ABCD4: variants seen among roughly 807,000 people sequenced by gnomAD.
ABCD4 encodes lysosomal cobalamin transporter ABCD4.
Under a neutral mutation model 86.3 loss-of-function variants are expected in ABCD4, and 53 were observed. The observed-to-expected ratio is 0.61, with a 90% CI of 0.49 to 0.77. ABCD4 has a LOEUF of 0.77. Ranked by LOEUF, ABCD4 falls within the 30% of genes least tolerant of loss-of-function variation. The pLI is 0.00. For missense variants in ABCD4, 757 were observed against 764.5 expected, an observed-to-expected ratio of 0.99 and a Z score of 0.12; for synonymous variants, 328 against 313.6, an observed-to-expected ratio of 1.05 and a Z score of -0.49.
chr14:74,287,975 C>T, intron 16 of ABCD4, 89 bp from the exon 17 acceptor site: 2 of 1,313,426 alleles, frequency 1.5e-6, no homozygotes, highest in Admixed American at 2.0e-5. Flanking sequence ...AGAGGTTTCT[C>T]TGCACAGAGG....
At chr14:74,287,039 A>G (rs759570854) in intron 17 of ABCD4, among the ~76,000 whole-genome samples, 55 of 152,168 alleles carry the variant, frequency 3.6e-4, no homozygotes, top group Non-Finnish European at 6.5e-4. Flanking sequence ...CTCAGCTTCT[A>G]TAGATAAGCA....
At chr14:74,294,452 T>C (rs2082333159) in intron 7 of ABCD4, 1 of 152,202 alleles carries the variant, frequency 6.6e-6, no homozygotes, top group Non-Finnish European at 1.5e-5. Flanking sequence ...GTGGTGGAGG[T>C]TGCAAACTGC....
At position 74,286,352 on chromosome 14, in the gene ABCD4, CG is replaced by C. The variant is rs766334278; in HGVS notation, c.*108del. Reference sequence around the variant, plus strand: ...GCACAGGACCCATGTGGCTCCTGCACGGGATCTATGTGGCGAACCTGAGCTC... The same window carrying C: ...GCACAGGACCCATGTGGCTCCTGCACGGATCTATGTGGCGAACCTGAGCTC... On this transcript the variant is annotated 3_prime_UTR_variant, in exon 19 of 19. Transcript: ENST00000356924. The C allele has an allele frequency of 1.3e-4, 160 of 1,220,468 alleles. 2 individuals carry two copies. In the African/African-American group the frequency reaches 2.1e-3, roughly 16 times the overall value. The allele number at this position is 1,220,468 out of a possible 1,614,324, so 75.6% of individuals were successfully genotyped here. A position where few individuals can be genotyped will look rare whatever the true frequency, so the allele number is the denominator to read the frequency against.
chr14:74,290,616 C>T (rs1279079425), intron 11 of ABCD4, 117 bp from the exon 12 acceptor site: 1 of 738,034 alleles, frequency 1.4e-6, no homozygotes, highest in Non-Finnish European at 2.3e-6. Context: ...CTTGCATCCT[C>T]CCAAAATCAC....
chr14:74,298,755 C>T (rs2083532892), intron 3 of ABCD4, among the ~76,000 whole-genome samples: 1 of 152,144 alleles, frequency 6.6e-6, no homozygotes, highest in Admixed American at 6.6e-5. Flanking sequence ...GACCGAAGAC[C>T]CAACAAAAGT....
intron 13 of ABCD4, 146 bp from the exon 14 acceptor site, chr14:74,289,665 G>A (rs2080918389): frequency 2.0e-6 from 3 of 1,464,914 alleles, no homozygotes; most frequent in Non-Finnish European, 2.7e-6. Context: ...GAGAGGCTCT[G>A]GCCGGCAGAC....
rs2083822726 is a variant in ABCD4 at position 74,299,730 on chromosome 14, G to A, written c.158-55C>T. On this transcript the variant is annotated intron_variant, in intron 2 of 18. Coordinates refer to ENST00000356924, the MANE Select transcript of ABCD4 (RefSeq NM_005050.4). ...GTGATGAGGGGTTAAAAAGAAGGGA[G>A]GCTTCTTCCTGAGTCCCTGCCTCAT... 5 of 1,549,686 alleles carry A rather than the reference G, an allele frequency of 3.2e-6. No individual in the cohort carries two copies. The Admixed American group carries it at 9.4e-5, about 29-fold the overall frequency.
At position 74,299,812 on chromosome 14, in the gene ABCD4, AG is replaced by A. The variant is rs1270119943; in HGVS notation, c.158-138del. ...CGCGGTGGCTCACGCCTGTAATCCC[AG>A]CACTTTGGGAGGCTGAGGCGGGTGT... On this transcript the variant is annotated intron_variant, in intron 2 of 18. Coordinates refer to ENST00000356924, the MANE Select transcript of ABCD4 (RefSeq NM_005050.4). The A allele has an allele frequency of 4.9e-6, 4 of 821,662 alleles. No individual in the cohort carries two copies. In the African/African-American group the frequency reaches 5.2e-5, roughly 11 times the overall value. The allele number at this position is 821,662 out of a possible 1,614,324, so 50.9% of individuals were successfully genotyped here.
chr14:74,291,421 C>T (rs189788896), intron 11 of ABCD4, among the ~76,000 whole-genome samples: 10 of 152,294 alleles, frequency 6.6e-5, no homozygotes, highest in Admixed American at 1.3e-4. Context: ...GCCCAGGTTG[C>T]AGAGCGGTAT....
In ABCD4 at chr14:74,296,331, A is replaced by T. The variant is rs1405995124; in HGVS notation, c.542+2T>A. On this transcript the variant is annotated splice_donor_variant, in intron 5 of 18. Coordinates refer to ENST00000356924, the MANE Select transcript of ABCD4 (RefSeq NM_005050.4). LOFTEE classifies it high-confidence loss of function. ...CCAGGCTGGGGAGGAGGGAGGCTTC[A>T]CCTTTGGAAGCACTGGTAAGTGTAG... The T allele has an allele frequency of 6.2e-7, 1 of 1,613,612 alleles. No individual in the cohort carries two copies. Among genetic ancestry groups the T allele is most frequent in the Non-Finnish European group, 8.5e-7 (1 of 1,179,568 alleles).
At chr14:74,291,618 A>G (rs971613346) in intron 11 of ABCD4, among the ~76,000 whole-genome samples, 1 of 152,158 alleles carries the variant, frequency 6.6e-6, no homozygotes, top group Non-Finnish European at 1.5e-5. Flanking sequence ...CTCTGCACTC[A>G]TGGTTGCATG....
intron 16 of ABCD4, 157 bp from the exon 17 acceptor site, chr14:74,288,043 G>A: frequency 1.9e-6 from 2 of 1,036,420 alleles, no homozygotes; most frequent in Admixed American, 2.2e-5. Context: ...AGCCCTCACA[G>A]AGTGAGGCAA....
At chr14:74,288,113 G>A (rs1268779558) in intron 16 of ABCD4, 94 bp downstream of exon 16, 1 of 1,389,344 alleles carries the variant, frequency 7.2e-7, no homozygotes, top group African/African-American at 1.4e-5. Flanking sequence ...TCTGGACTTT[G>A]GGGTCAGGAG....
In ABCD4 at chr14:74,293,029, T is replaced by C. The variant is rs74063818; in HGVS notation, c.814+125A>G. The C allele has an allele frequency of 0.013, 18,290 of 1,440,628 alleles. 1,861 individuals are homozygous for C. In the African/African-American group the frequency reaches 0.23, roughly 18 times the overall value. The allele number at this position is 1,440,628 out of a possible 1,614,324, so 89.2% of individuals were successfully genotyped here. On this transcript the variant is annotated intron_variant, in intron 8 of 18. Coordinates refer to ENST00000356924, the MANE Select transcript of ABCD4 (RefSeq NM_005050.4). ...ACAGAAAGGCAACAGCCCCCCCTCCTCATCCCCGGTTAATTCCTTCATCAT... is the reference window on the plus strand; with the variant it reads ...ACAGAAAGGCAACAGCCCCCCCTCCCCATCCCCGGTTAATTCCTTCATCAT...
intron 1 of ABCD4, among the ~76,000 whole-genome samples, chr14:74,302,173 C>T (rs990074999): frequency 6.6e-6 from 1 of 152,090 alleles, no homozygotes; most frequent in African/African-American, 2.4e-5. Context: ...CCAGAATATT[C>T]GTTACAGTGT....
chr14:74,301,253 G>A (rs1486089429), intron 1 of ABCD4, among the ~76,000 whole-genome samples: 1 of 150,644 alleles, frequency 6.6e-6, no homozygotes, highest in Non-Finnish European at 1.5e-5. Flanking sequence ...TCTGCCTCCC[G>A]GGTTCAAGCG....
chr14:74,301,160 C>CTTTTT (rs36088801), intron 1 of ABCD4, among the ~76,000 whole-genome samples: 2 of 124,346 alleles, frequency 1.6e-5, no homozygotes, highest in African/African-American at 3.1e-5. Context: ...GGCCTAAAAT[C>CTTTTT]TTTTTTTTTT....
intron 3 of ABCD4, among the ~76,000 whole-genome samples, 162 bp from the exon 4 acceptor site, chr14:74,298,231 G>A (rs548324900): frequency 2.0e-4 from 31 of 152,220 alleles, no homozygotes; most frequent in African/African-American, 7.2e-4. Context: ...TCGAGTCATG[G>A]GACTTTCCCT....
rs1196748568 is a variant in ABCD4 at position 74,300,037 on chromosome 14, T to G, written c.157+113A>C. 15 of 638,962 alleles carry G rather than the reference T, an allele frequency of 2.3e-5. No individual in the cohort carries two copies. In the Admixed American group the frequency reaches 5.0e-4, roughly 21 times the overall value. The allele number at this position is 638,962 out of a possible 1,614,324, so 39.6% of individuals were successfully genotyped here. A position where few individuals can be genotyped will look rare whatever the true frequency, so the allele number is the denominator to read the frequency against. ...GAGATTATGTCACTGCACTCCAGCC[T>G]GGGCAACAAGAGAGAAACTCTGTCT... On this transcript the variant is annotated intron_variant, in intron 2 of 18. Coordinates refer to ENST00000356924, the MANE Select transcript of ABCD4 (RefSeq NM_005050.4).
Sources: allele counts gnomAD v4.1 joint callset (sites outside exome capture counted in the v4.1 genomes callset), GRCh38; gene constraint gnomAD v4.1.1; transcripts MANE v1.5; gene names NCBI Gene and HGNC (gene_info 2026-07-23, HGNC 2026-07-21).